Variants in RCAN2 observed in about 807,000 individuals in gnomAD.
RCAN2 encodes calcipressin-2.
A neutral mutation model predicts 23.6 loss-of-function variants in RCAN2; 9 were observed. That is an observed-to-expected ratio of 0.38 (90% CI 0.23 to 0.67). The LOEUF (loss-of-function observed/expected upper bound fraction) is 0.67, where lower values mean the gene tolerates loss of function less well. Among genes scored for constraint, RCAN2 ranks in the 30% least tolerant of loss-of-function variants. RCAN2 has a pLI of 0.51. For missense variants in RCAN2, 273 were observed against 302.3 expected, an observed-to-expected ratio of 0.90 and a Z score of 0.72; for synonymous variants, 109 against 115.7, an observed-to-expected ratio of 0.94 and a Z score of 0.37.
intron 4 of RCAN2, among the ~76,000 whole-genome samples, chr6:46,230,678 G>A (rs868043841): frequency 3.3e-5 from 5 of 152,254 alleles, no homozygotes; most frequent in Middle Eastern, 3.4e-3. Flanking sequence ...CATCTGTCAC[G>A]GCTTCCCTTG....
At chr6:46,387,273 G>C (rs1051028709) in intron 2 of RCAN2, among the ~76,000 whole-genome samples, 1 of 152,158 alleles carries the variant, frequency 6.6e-6, no homozygotes, top group Non-Finnish European at 1.5e-5. Flanking sequence ...AAACTAAAGA[G>C]CTTCTGCACA....
chr6:46,309,551 C>T (rs1043741515), intron 2 of RCAN2, among the ~76,000 whole-genome samples: 1 of 152,110 alleles, frequency 6.6e-6, no homozygotes, highest in Non-Finnish European at 1.5e-5. Context: ...GTGGTTCATA[C>T]AATTAATTGA....
intron 1 of RCAN2, among the ~76,000 whole-genome samples, chr6:46,465,280 G>A (rs1381794017): frequency 1.3e-5 from 2 of 152,180 alleles, no homozygotes; most frequent in Non-Finnish European, 2.9e-5. Flanking sequence ...GTGAATTATA[G>A]ATTTGTTAAA....
chr6:46,308,624 C>T (rs746402311), intron 2 of RCAN2, among the ~76,000 whole-genome samples: 2 of 152,036 alleles, frequency 1.3e-5, no homozygotes, highest in African/African-American at 2.4e-5. Flanking sequence ...GTGAGGAGGG[C>T]ACTTGCAACT....
chr6:46,331,086 C>G lies in RCAN2; in HGVS notation c.226-82190G>C, dbSNP rs140189834. Among the ~76,000 whole-genome samples the G allele has an allele frequency of 3.9e-5, 6 of 152,326 alleles. No homozygotes were observed. In the East Asian group the frequency reaches 1.2e-3, roughly 29 times the overall value. On this transcript the variant is annotated intron_variant, in intron 2 of 4. Transcript: ENST00000371374. Reference sequence around the variant, plus strand: ...ATTCCTCCTTCATTTATTCATGGAACACTTCCATTAAGAGGAACTACTTCT... The same window carrying G: ...ATTCCTCCTTCATTTATTCATGGAAGACTTCCATTAAGAGGAACTACTTCT...
intron 2 of RCAN2, among the ~76,000 whole-genome samples, chr6:46,451,805 A>G (rs529762222): frequency 6.6e-6 from 1 of 152,320 alleles, no homozygotes; most frequent in South Asian, 2.1e-4. Context: ...CAAGACACAC[A>G]AAGACTAAGA....
At chr6:46,392,626 T>C (rs532563689) in intron 2 of RCAN2, among the ~76,000 whole-genome samples, 1 of 152,314 alleles carries the variant, frequency 6.6e-6, no homozygotes, top group South Asian at 2.1e-4. Context: ...GTGTTTATCC[T>C]CACATATTTG....
At chr6:46,372,998 G>A (rs975559849) in intron 2 of RCAN2, among the ~76,000 whole-genome samples, 2 of 152,186 alleles carry the variant, frequency 1.3e-5, no homozygotes, top group African/African-American at 4.8e-5. Context: ...TATAGGAGCT[G>A]GGACCAGCAT....
At chr6:46,228,319 C>T (rs1434249891) in intron 4 of RCAN2, among the ~76,000 whole-genome samples, 3 of 152,074 alleles carry the variant, frequency 2.0e-5, no homozygotes, top group Admixed American at 2.0e-4. Flanking sequence ...AATTCTATTC[C>T]TGGATATCCT....
chr6:46,449,952 G>C (rs1034665772), intron 2 of RCAN2, among the ~76,000 whole-genome samples: 79 of 151,954 alleles, frequency 5.2e-4, no homozygotes, highest in South Asian at 4.1e-4. Context: ...GGCAACAAAA[G>C]CAAAAATAAA....
At chr6:46,367,437 T>C (rs918083356) in intron 2 of RCAN2, among the ~76,000 whole-genome samples, 1 of 152,162 alleles carries the variant, frequency 6.6e-6, no homozygotes, top group Non-Finnish European at 1.5e-5. Context: ...TGTTGACCTA[T>C]TTAGAAAGCT....
chr6:46,224,493 A>T (rs144399768), intron 4 of RCAN2, among the ~76,000 whole-genome samples: 9 of 152,236 alleles, frequency 5.9e-5, no homozygotes, highest in African/African-American at 2.2e-4. Flanking sequence ...TTTTGGTCAA[A>T]CTGGTTTATC....
chr6:46,475,542 A>G (rs1404384337), intron 1 of RCAN2, among the ~76,000 whole-genome samples: 1 of 152,198 alleles, frequency 6.6e-6, no homozygotes. Flanking sequence ...ATTCTTTCCA[A>G]ACAAACAGAA....
rs114085647 is a variant in RCAN2 at position 46,283,727 on chromosome 6, A to T, written c.226-34831T>A. Among the ~76,000 whole-genome samples the T allele has an allele frequency of 5.5e-3, 832 of 152,338 alleles. 5 individuals carry two copies. The highest frequency in any genetic ancestry group is 0.018 in the African/African-American group (767 of 41,562). On this transcript the variant is annotated intron_variant, in intron 2 of 4. Transcript: ENST00000371374. ...CATCAGTTTCCCAAAGGCCTGGTTA[A>T]CTGAGATATTAGAATACTTTCCCAT...
At chr6:46,314,101 C>T (rs1763348004) in intron 2 of RCAN2, among the ~76,000 whole-genome samples, 4 of 151,918 alleles carry the variant, frequency 2.6e-5, no homozygotes, top group Middle Eastern at 3.4e-3. Flanking sequence ...GTGACTGATG[C>T]CTGTAATCCC....
intron 2 of RCAN2, among the ~76,000 whole-genome samples, chr6:46,367,021 G>GTATATATATATATA (rs1458476806): frequency 7.5e-5 from 3 of 40,202 alleles, no homozygotes; most frequent in Non-Finnish European, 1.6e-4. Flanking sequence ...TATCTGGGAT[G>GTATATATATATATA]GATATATATA....
At chr6:46,456,701 G>A in intron 2 of RCAN2, 51 bp downstream of exon 2, 1 of 1,293,512 alleles carries the variant, frequency 7.7e-7, no homozygotes, top group Admixed American at 2.0e-5. Context: ...GGATTACTTG[G>A]AGATAATGCC....
chr6:46,325,615 TG>T, intron 2 of RCAN2: 1 of 1,442,624 alleles, frequency 6.9e-7, no homozygotes, highest in Non-Finnish European at 9.1e-7. Flanking sequence ...CTCGGGCTCC[TG>T]GAGCCCGCTC....
chr6:46,423,464 T>C lies in RCAN2; in HGVS notation c.225+33288A>G, dbSNP rs568843973. Among the ~76,000 whole-genome samples the C allele has an allele frequency of 4.8e-4, 73 of 152,310 alleles. 1 individual carries two copies. Among genetic ancestry groups the C allele is most frequent in the African/African-American group, 1.5e-3 (62 of 41,576 alleles). On this transcript the variant is annotated intron_variant, in intron 2 of 4. Transcript: ENST00000371374. The stretch of plus-strand genomic sequence containing the variant: ...AGCTATTTCTCCTCCTTCTTGAAGG[T>C]TGATTCTTATCCACAACTCTGGTGA...
Sources: allele counts gnomAD v4.1 joint callset (sites outside exome capture counted in the v4.1 genomes callset), GRCh38; gene constraint gnomAD v4.1.1; transcripts MANE v1.5; gene names NCBI Gene and HGNC (gene_info 2026-07-23, HGNC 2026-07-21).